The following KDM5D variants were observed in gnomAD, a reference collection of about 807,000 sequenced individuals.
KDM5D encodes lysine-specific demethylase 5D.
Under a neutral mutation model 31.9 loss-of-function variants are expected in KDM5D, and 25 were observed. The ratio of observed to expected loss-of-function variants is 0.78; its 90% CI spans 0.57 to 1.09. The LOEUF is 1.09. Ranked by LOEUF, KDM5D falls within the 50% of genes least tolerant of loss-of-function variation. The probability of loss-of-function intolerance (pLI) is 0.00; values close to 1 mark genes in which losing one functional copy is unlikely to be tolerated. For missense variants in KDM5D, 366 were observed against 341.6 expected (o/e 1.07, Z -0.56); for synonymous variants, 146 against 122.3 (o/e 1.19, Z -1.28).
At chrY:19,712,014 T>C in intron 18 of KDM5D, among the ~76,000 whole-genome samples, 1 of 33,857 alleles carries the variant, frequency 3.0e-5, no homozygotes, top group Non-Finnish European at 7.3e-5. Flanking sequence ...TTCTATGTTT[T>C]CTTAAAGTTT....
At chrY:19,731,321 A>C in intron 11 of KDM5D, among the ~76,000 whole-genome samples, 1 of 33,434 alleles carries the variant, frequency 3.0e-5, no homozygotes, top group East Asian at 7.9e-4. Context: ...CTAATACAAG[A>C]AATCACTTTG....
chrY:19,743,107 A>G lies in KDM5D; in HGVS notation c.228+55T>C, dbSNP rs2045565398. On this transcript the variant is annotated intron_variant, in intron 3 of 26. Transcript: ENST00000317961. ...AAGTTCTACATTATTATGAAACTAC[A>G]ACGGCAAGATTAAAGATCAGATTCC... 4.3e-5 allele frequency: 11 copies of G among 255,137 alleles called. No homozygotes were observed. The Admixed American group carries it at 5.2e-4, about 12-fold the overall frequency. 63.6% of individuals were successfully genotyped at this position (255,137 alleles called of 400,897 possible). A position where few individuals can be genotyped will look rare whatever the true frequency, so the allele number is the denominator to read the frequency against.
In KDM5D at chrY:19,715,603, C is replaced by T. The variant is rs2045332199; in HGVS notation, c.2338+12G>A. 1 of 396,629 alleles carries T rather than the reference C, an allele frequency of 2.5e-6. No individual in the cohort carries two copies. Among genetic ancestry groups the T allele is most frequent in the Non-Finnish European group, 3.5e-6 (1 of 283,144 alleles). ...GCTTACACAAGGGTTCCTTCCATTTCCTGTCACTCACTGCGTTTACGGCCA... is the reference window on the plus strand; with the variant it reads ...GCTTACACAAGGGTTCCTTCCATTTTCTGTCACTCACTGCGTTTACGGCCA... On this transcript the variant is annotated intron_variant, in intron 17 of 26. Coordinates refer to ENST00000317961, the MANE Select transcript of KDM5D (RefSeq NM_004653.5).
In KDM5D at chrY:19,716,437, G is replaced by A; in HGVS notation, c.1873C>T (p.Arg625Trp). The A allele has an allele frequency of 5.0e-6, 2 of 399,345 alleles. No homozygotes were observed. Among genetic ancestry groups the A allele is most frequent in the Non-Finnish European group, 3.5e-6 (1 of 283,590 alleles). ...AGRQCIEHYR[R>W]LRRYCVFSHE... The stretch of plus-strand genomic sequence containing the variant: ...GAGAAGACACAATAGCGCCGGAGCC[G>A]GCGGTAGTGTTCAATGCACTGGCGT... Residue 625 changes from arginine to tryptophan, a missense_variant, in exon 15 of 27, where the codon CGG becomes TGG. Physicochemically the swap from Arg to Trp is moderately radical, Grantham distance 101 (BLOSUM62 -3). Transcript: ENST00000317961.
Position 19,706,216 on chromosome Y carries a change from C to T in KDM5D, c.4399G>A (p.Ala1467Thr). 1 of 395,101 alleles carries T rather than the reference C, an allele frequency of 2.5e-6. No individual in the cohort carries two copies. The highest frequency in any genetic ancestry group is 3.6e-6 in the Non-Finnish European group (1 of 281,625). Residue 1467 changes from alanine to threonine, a missense_variant, in exon 27 of 27, where the codon GCT becomes ACT. Transcript: ENST00000317961. ...TGAGACATAATCCCTGAGCTCCGAG[C>T]CCTTTTTGACTGAAGCTCCTGTTGA... ...LVQQELQSKRARSSGIMSQVG... is the reference protein window; with the variant it reads ...LVQQELQSKRTRSSGIMSQVG...
intron 5 of KDM5D, 119 bp downstream of exon 5, chrY:19,741,199 C>T: frequency 1.2e-5 from 2 of 173,467 alleles, no homozygotes; most frequent in Admixed American, 1.2e-4. Flanking sequence ...GGAACATCTT[C>T]ACTCTAGAGA....
chrY:19,729,152 T>C, intron 11 of KDM5D, among the ~76,000 whole-genome samples: 1 of 31,794 alleles, frequency 3.1e-5, no homozygotes, highest in Non-Finnish European at 7.7e-5. Context: ...GAGGTGGAGG[T>C]TGCAGTGAGG....
Position 19,713,435 on chromosome Y carries a change from A to G in KDM5D, c.2486+1917T>C, listed in dbSNP as rs912176024. On this transcript the variant is annotated intron_variant, in intron 18 of 26. Transcript: ENST00000317961. ...TCTAATATCCAGCATCTATAAAGGA[A>G]CCTAATCAAATTTACAAGAAGAAAA... Among the ~76,000 whole-genome samples, 6 of 33,882 alleles carry G rather than the reference A, an allele frequency of 1.8e-4. No homozygotes were observed. The East Asian group carries it at 4.6e-3, about 26-fold the overall frequency. The allele number at this position is 33,882 out of a possible 37,273, so 90.9% of individuals were successfully genotyped here. A position where few individuals can be genotyped will look rare whatever the true frequency, so the allele number is the denominator to read the frequency against.
At chrY:19,723,080 CAGTAA>C (rs2045406428) in intron 11 of KDM5D, among the ~76,000 whole-genome samples, 2 of 33,270 alleles carry the variant, frequency 6.0e-5, no homozygotes, top group Admixed American at 5.5e-4. Context: ...TATGAAGCGA[CAGTAA>C]CCAAAACAGC....
intron 3 of KDM5D, among the ~76,000 whole-genome samples, chrY:19,742,958 C>A (rs2045564448): frequency 3.0e-5 from 1 of 33,893 alleles, no homozygotes; most frequent in Non-Finnish European, 7.3e-5. Context: ...ATATTTAAAG[C>A]CTTTGTGTTC....
At chrY:19,721,422 C>T in intron 11 of KDM5D, 111 bp from the exon 12 acceptor site, 2 of 171,140 alleles carry the variant, frequency 1.2e-5, no homozygotes, top group Non-Finnish European at 2.1e-5. Context: ...CATGCTGCCT[C>T]TGGTATTCCT....
In KDM5D at chrY:19,715,605, T is replaced by C; in HGVS notation, c.2338+10A>G. 2.5e-6 allele frequency: 1 copy of C among 398,795 alleles called. No individual in the cohort carries two copies. The highest frequency in any genetic ancestry group is 7.4e-5 in the Admixed American group (1 of 13,506). On this transcript the variant is annotated intron_variant, in intron 17 of 26. Coordinates refer to ENST00000317961, the MANE Select transcript of KDM5D (RefSeq NM_004653.5). Reference sequence around the variant, plus strand: ...TTACACAAGGGTTCCTTCCATTTCCTGTCACTCACTGCGTTTACGGCCATC... The same window carrying C: ...TTACACAAGGGTTCCTTCCATTTCCCGTCACTCACTGCGTTTACGGCCATC...
chrY:19,726,516 G>A (rs903397803), intron 11 of KDM5D, among the ~76,000 whole-genome samples: 7 of 32,117 alleles, frequency 2.2e-4, no homozygotes, highest in Non-Finnish European at 5.3e-4. Context: ...TAGACACAGG[G>A]CAGGGAACAT....
intron 6 of KDM5D, 32 bp downstream of exon 6, chrY:19,739,496 T>C: frequency 5.2e-6 from 2 of 385,587 alleles, no homozygotes; most frequent in South Asian, 3.1e-5. Context: ...TTCTCAGCTA[T>C]AGGAAGAATA....
intron 2 of KDM5D, among the ~76,000 whole-genome samples, chrY:19,743,926 T>G (rs2045578127): frequency 3.0e-5 from 1 of 33,476 alleles, no homozygotes; most frequent in Non-Finnish European, 7.4e-5. Flanking sequence ...ATTTAATTGA[T>G]GGCAAAGGAT....
chrY:19,732,730 T>C lies in KDM5D; in HGVS notation c.946A>G (p.Ile316Val). 2.6e-6 allele frequency: 1 copy of C among 377,964 alleles called. No homozygotes were observed. Among genetic ancestry groups the C allele is most frequent in the South Asian group, 3.3e-5 (1 of 30,482 alleles). 94.3% of individuals were successfully genotyped at this position (377,964 alleles called of 400,897 possible). Reference protein sequence around the residue: ...HSSAQFIDSYICQVCSRGDED... With the variant: ...HSSAQFIDSYVCQVCSRGDED... The stretch of plus-strand genomic sequence containing the variant: ...TCCCCACGGGAGCATACTTGGCAAA[T>C]ATATGAGTCAATCTACCAAAAAAAA... The change falls in exon 9 of 27, where the codon ATT (isoleucine) becomes GTT (valine). Residue 316 changes from isoleucine (I) to valine (V), a missense_variant. Ile to Val is a conservative substitution (Grantham distance 29, BLOSUM62 3). Coordinates refer to ENST00000317961, the MANE Select transcript of KDM5D (RefSeq NM_004653.5).
At position 19,741,384 on chromosome Y, in the gene KDM5D, C is replaced by A; in HGVS notation, c.456G>T (p.Leu152=). ...HYPPGKNIGS[L]LRSHYERIIY... is the part of the protein sequence containing the mutation. ...TAATGCGTTCGTAATGTGATCGTAG[C>A]AGGGAGCCAATGTTTTTGCCTGGTG... Residue 152 remains leucine (L), a synonymous_variant, in exon 5 of 27, where the codon CTG becomes CTT. Transcript: ENST00000317961. 2.5e-6 allele frequency: 1 copy of A among 397,745 alleles called. No individual in the cohort carries two copies. The highest frequency in any genetic ancestry group is 3.5e-6 in the Non-Finnish European group (1 of 282,473).
intron 7 of KDM5D, 60 bp downstream of exon 7, chrY:19,735,561 C>T: frequency 2.5e-6 from 1 of 397,354 alleles, no homozygotes. Context: ...CAAACTATTT[C>T]TCCCATGAAA....
At chrY:19,725,256 C>A in intron 11 of KDM5D, among the ~76,000 whole-genome samples, 1 of 33,528 alleles carries the variant, frequency 3.0e-5, no homozygotes, top group Non-Finnish European at 7.4e-5. Flanking sequence ...AGCCAAGAGA[C>A]AATCCAAAGC....
Sources: allele counts gnomAD v4.1 joint callset (sites outside exome capture counted in the v4.1 genomes callset), GRCh38; gene constraint gnomAD v4.1.1; transcripts MANE v1.5; gene names NCBI Gene and HGNC (gene_info 2026-07-23, HGNC 2026-07-21).